SOX5: variants seen among roughly 807,000 people sequenced by gnomAD.
The protein encoded by SOX5 is transcription factor SOX-5.
A neutral mutation model predicts 92.0 loss-of-function variants in SOX5; 9 were observed. The ratio of observed to expected loss-of-function variants is 0.10; its 90% CI spans 0.06 to 0.17. The LOEUF is 0.17. Among genes scored for constraint, SOX5 ranks in the 10% least tolerant of loss-of-function variants. The probability of loss-of-function intolerance (pLI) is 1.00; values close to 1 mark genes in which losing one functional copy is unlikely to be tolerated. For synonymous variants in SOX5, 344 were observed against 336.3 expected, an observed-to-expected ratio of 1.02 and a Z score of -0.25; for missense variants, 642 against 944.5, an observed-to-expected ratio of 0.68 and a Z score of 4.20.
chr12:23,710,212 C>T (rs2140350696), intron 6 of SOX5, among the ~76,000 whole-genome samples: 1 of 151,976 alleles, frequency 6.6e-6, no homozygotes, highest in South Asian at 2.1e-4. Flanking sequence ...CATAATTTGG[C>T]CTGGAATATT....
At chr12:23,591,967 C>T (rs375077370) in intron 9 of SOX5, among the ~76,000 whole-genome samples, 16 of 151,866 alleles carry the variant, frequency 1.1e-4, no homozygotes, top group African/African-American at 2.2e-4. Context: ...ATCTACACTG[C>T]CAAAGTCATC....
intron 2 of SOX5, among the ~76,000 whole-genome samples, chr12:24,296,297 GA>G (rs1947238658): frequency 6.6e-6 from 1 of 152,178 alleles, no homozygotes; most frequent in African/African-American, 2.4e-5. Flanking sequence ...TAACACAATA[GA>G]AAAAGGTAAC....
chr12:23,700,651 G>A (rs1361879788), intron 6 of SOX5, among the ~76,000 whole-genome samples: 1 of 152,074 alleles, frequency 6.6e-6, no homozygotes, highest in East Asian at 1.9e-4. Flanking sequence ...AAGTATGGCA[G>A]AGAGGGTAGG....
chr12:23,588,721 GCA>G (rs56083228), intron 9 of SOX5, among the ~76,000 whole-genome samples: 1,907 of 149,394 alleles, frequency 0.013, 36 homozygotes, highest in African/African-American at 0.035. Flanking sequence ...ATGGGATAGT[GCA>G]CACACACACA....
intron 2 of SOX5, among the ~76,000 whole-genome samples, chr12:23,892,242 G>A (rs183780404): frequency 1.4e-4 from 21 of 152,246 alleles, no homozygotes; most frequent in Admixed American, 3.3e-4. Context: ...TTTTTGAACT[G>A]AGTCTTATGG....
At chr12:24,106,647 C>T in intron 4 of SOX5, among the ~76,000 whole-genome samples, 1 of 151,630 alleles carries the variant, frequency 6.6e-6, no homozygotes, top group East Asian at 1.9e-4. Flanking sequence ...CAAAACTTAC[C>T]TGGGTATGGT....
chr12:24,003,771 T>TTTA (rs951915902), intron 4 of SOX5, among the ~76,000 whole-genome samples: 1 of 151,198 alleles, frequency 6.6e-6, no homozygotes, highest in African/African-American at 2.4e-5. Context: ...GCCAGCAGGT[T>TTTA]TTTTTTTTGG....
At chr12:23,650,991 T>A (rs2081488985) in intron 7 of SOX5, among the ~76,000 whole-genome samples, 1 of 152,124 alleles carries the variant, frequency 6.6e-6, no homozygotes, top group Admixed American at 6.6e-5. Context: ...ACAGACTTGA[T>A]AACTGATTTG....
chr12:24,207,535 T>C (rs1267142489), intron 4 of SOX5, among the ~76,000 whole-genome samples: 2 of 152,204 alleles, frequency 1.3e-5, no homozygotes, highest in Admixed American at 6.5e-5. Context: ...GATTATATCC[T>C]AGTGAGCCAA....
chr12:23,721,474 G>A (rs985167004), intron 6 of SOX5, among the ~76,000 whole-genome samples: 3 of 151,808 alleles, frequency 2.0e-5, no homozygotes, highest in East Asian at 1.9e-4. Context: ...ATCCGAGAGC[G>A]TAAACTACCA....
At chr12:23,955,548 G>A (rs921375598), upstream of SOX5, among the ~76,000 whole-genome samples, 15 of 152,036 alleles carry the variant, frequency 9.9e-5, no homozygotes, top group East Asian at 1.9e-4. Context: ...AGAAAGAATC[G>A]ATTATTTCAG....
intron 1 of SOX5, among the ~76,000 whole-genome samples, chr12:24,439,002 A>G (rs1480186831): frequency 6.6e-6 from 1 of 152,226 alleles, no homozygotes; most frequent in African/African-American, 2.4e-5. Context: ...AAATCTTTCA[A>G]GAAAGGAAGA....
intron 2 of SOX5, among the ~76,000 whole-genome samples, chr12:24,315,788 T>C (rs1377034142): frequency 6.6e-6 from 1 of 152,212 alleles, no homozygotes; most frequent in Non-Finnish European, 1.5e-5. Context: ...ACCATCCTTG[T>C]TGTAACTTTC....
intron 1 of SOX5, among the ~76,000 whole-genome samples, chr12:24,478,013 A>C (rs1235491199): frequency 2.0e-5 from 3 of 152,206 alleles, no homozygotes; most frequent in African/African-American, 7.2e-5. Context: ...CTTTCCAAAA[A>C]GAAGCTGAAA....
At chr12:23,950,863 A>G, upstream of SOX5, 1 of 1,535,218 alleles carries the variant, frequency 6.5e-7, no homozygotes, top group Non-Finnish European at 8.7e-7. Flanking sequence ...AGAGAGAGAC[A>G]CTTACACAGA....
chr12:23,572,371 T>C (rs1422398723), intron 10 of SOX5, among the ~76,000 whole-genome samples: 2 of 152,076 alleles, frequency 1.3e-5, no homozygotes, highest in African/African-American at 4.8e-5. Flanking sequence ...AACATCTGCA[T>C]TTGTTGAAAA....
chr12:23,879,741 C>T (rs987165393), intron 2 of SOX5, among the ~76,000 whole-genome samples: 1 of 152,104 alleles, frequency 6.6e-6, no homozygotes, highest in South Asian at 2.1e-4. Flanking sequence ...TTTCATATAC[C>T]TCACAAGCTA....
intron 2 of SOX5, among the ~76,000 whole-genome samples, chr12:24,363,150 A>T (rs1049398597): frequency 1.3e-5 from 2 of 152,264 alleles, no homozygotes; most frequent in Admixed American, 1.3e-4. Context: ...AACATCTACT[A>T]AATTTTGATA....
At chr12:24,482,257 C>T (rs1452267652) in intron 1 of SOX5, among the ~76,000 whole-genome samples, 8 of 152,050 alleles carry the variant, frequency 5.3e-5, no homozygotes, top group Non-Finnish European at 8.8e-5. Context: ...AATATGCCAG[C>T]GTAGGAACAG....
Sources: allele counts gnomAD v4.1 joint callset (sites outside exome capture counted in the v4.1 genomes callset), GRCh38; gene constraint gnomAD v4.1.1; transcripts MANE v1.5; gene names NCBI Gene and HGNC (gene_info 2026-07-23, HGNC 2026-07-21).